ADGRD2: variants seen among roughly 807,000 people sequenced by gnomAD.
ADGRD2 encodes adhesion G protein-coupled receptor D2.
A neutral mutation model predicts 44.4 loss-of-function variants in ADGRD2; 71 were observed. The observed-to-expected ratio is 1.60, with a 90% CI of 1.32 to 1.95. The LOEUF is 1.95. Among genes scored for constraint, ADGRD2 ranks in the 30% most tolerant of loss-of-function variants. The pLI is 0.00. For missense variants in ADGRD2, 1,039 were observed against 512.4 expected (o/e 2.03, Z -9.92); for synonymous variants, 481 against 224.8 (o/e 2.14, Z -10.19).
intron 17 of ADGRD2, among the ~76,000 whole-genome samples, chr9:124,472,716 C>T (rs1831973410): frequency 6.6e-6 from 1 of 152,164 alleles, no homozygotes. Context: ...CCATGTTGCC[C>T]AGGTTGGTCT....
exon 3 of ADGRD2, chr9:124,453,256 G>A (rs780598584): frequency 7.4e-6 from 4 of 543,254 alleles, no homozygotes; most frequent in Non-Finnish European, 1.3e-5. Context: ...CGTCGTGCGC[G>A]CTGCGCTGGT....
chr9:124,476,862 G>A (rs985889643), intron 21 of ADGRD2, 153 bp downstream of exon 24: 1 of 694,652 alleles, frequency 1.4e-6, no homozygotes. Flanking sequence ...TCCCCTGGGA[G>A]CACTGGGGGC....
intron 11 of ADGRD2, 109 bp downstream of exon 14, chr9:124,466,522 A>G (rs1831828203): frequency 3.5e-6 from 2 of 572,056 alleles, no homozygotes; most frequent in Non-Finnish European, 6.5e-6. Context: ...CAGCTTTCAT[A>G]GATTGTCGGG....
Position 124,477,980 on chromosome 9 carries a change from G to C in ADGRD2, c.*19-301G>C, listed in dbSNP as rs555722316. On this transcript the variant is annotated intron_variant, in intron 21 of 21. Coordinates refer to ENST00000334810, the Ensembl canonical transcript of ADGRD2. ...CCCTCCGGACCCCCCACCCGGCCCGGCTCTCCGGACGCCCCCGCTTCCAGC... is the reference window on the plus strand; with the variant it reads ...CCCTCCGGACCCCCCACCCGGCCCGCCTCTCCGGACGCCCCCGCTTCCAGC... Among the ~76,000 whole-genome samples, 74 of 152,050 alleles carry C rather than the reference G, an allele frequency of 4.9e-4. 1 individual carries two copies. In the South Asian group the frequency reaches 0.015, roughly 30 times the overall value.
rs1831579044 is a variant in ADGRD2 at position 124,454,652 on chromosome 9, G to A, written c.1108+83G>A. On this transcript the variant is annotated intron_variant, in intron 5 of 21. Coordinates refer to ENST00000334810, the Ensembl canonical transcript of ADGRD2. This position sits in a 1 kb window ranked among gnomAD's most constrained non-coding sequence, Gnocchi z 4.5. ...CCTCAGTTTCCTCCCTTGTAAAGGG[G>A]ACACCCACCTGGTGTGTCTGCAGGA... 1 of 679,618 alleles carries A rather than the reference G, an allele frequency of 1.5e-6. No individual in the cohort carries two copies. Among genetic ancestry groups the A allele is most frequent in the South Asian group, 1.5e-5 (1 of 65,414 alleles). 42.1% of individuals were successfully genotyped at this position (679,618 alleles called of 1,614,324 possible).
intron 17 of ADGRD2, among the ~76,000 whole-genome samples, chr9:124,472,452 GTTTGTT>G (rs1831963530): frequency 4.0e-5 from 1 of 25,316 alleles, no homozygotes; most frequent in African/African-American, 1.5e-4. Context: ...TTGTTTGTTT[GTTTGTT>G]TTTTGTTTGT....
exon 16 of ADGRD2, chr9:124,469,441 T>C (rs1199685600): frequency 1.4e-6 from 1 of 718,204 alleles, no homozygotes; most frequent in Admixed American, 2.0e-5. Context: ...GGCCAACACC[T>C]GCATCCTGGC....
chr9:124,468,657 C>G, exon 14 of ADGRD2: 1 of 716,990 alleles, frequency 1.4e-6, no homozygotes, highest in Non-Finnish European at 2.6e-6. Flanking sequence ...GCGGCTCTAC[C>G]ACGCCACAGG....
chr9:124,468,453 G>A, intron 13 of ADGRD2, 66 bp from the exon 17 acceptor site: 1 of 714,826 alleles, frequency 1.4e-6, no homozygotes, highest in Non-Finnish European at 2.6e-6. Context: ...CTGGGCATGG[G>A]CCGCGGGGCT....
At chr9:124,469,980 C>T (rs1207272005) in intron 16 of ADGRD2, among the ~76,000 whole-genome samples, 1 of 152,186 alleles carries the variant, frequency 6.6e-6, no homozygotes, top group Non-Finnish European at 1.5e-5. Context: ...GCCAAAGACC[C>T]GCATCGCCCT....
Position 124,454,150 on chromosome 9 carries a change from C to T in ADGRD2, c.1022+53C>T. On this transcript the variant is annotated intron_variant, in intron 4 of 21. Transcript: ENST00000334810. This position sits in a 1 kb window ranked among gnomAD's most constrained non-coding sequence, Gnocchi z 4.5. The stretch of plus-strand genomic sequence containing the variant: ...TGCTGAAGGGAAAGCCGGTGTGGAC[C>T]GGAGTAGACTGAGAGGGGGTGAGCT... 1 of 623,550 alleles carries T rather than the reference C, an allele frequency of 1.6e-6. No individual in the cohort carries two copies. The highest frequency in any genetic ancestry group is 2.9e-6 in the Non-Finnish European group (1 of 342,482). 38.6% of individuals were successfully genotyped at this position (623,550 alleles called of 1,614,324 possible).
intron 17 of ADGRD2, among the ~76,000 whole-genome samples, chr9:124,471,727 C>G (rs1410548713): frequency 1.3e-5 from 2 of 152,218 alleles, no homozygotes; most frequent in Non-Finnish European, 2.9e-5. Context: ...ACTCATTCAT[C>G]CATGTGCTCT....
chr9:124,466,688 T>C, intron 11 of ADGRD2: 1 of 234,422 alleles, frequency 4.3e-6, no homozygotes, highest in South Asian at 1.1e-4. Context: ...CTCGTGCCTA[T>C]AGTCCCAACT....
rs1588605610 is a variant in ADGRD2, at chr9:124,466,287, C to A, written c.1902C>A (p.Ser634Arg). 6 of 711,830 alleles carry A rather than the reference C, an allele frequency of 8.4e-6. No homozygotes were observed. In the East Asian group the frequency reaches 1.6e-4, roughly 19 times the overall value. The allele number at this position is 711,830 out of a possible 1,614,324, so 44.1% of individuals were successfully genotyped here. ...CCCTGTTCCCTCCCCATCCCCCAAG[C>A]CCATATACAGGGGGTGCCTGGGCCA... The change falls in exon 11 of 22, where the codon AGC becomes AGA. Residue 634 changes from serine (S) to arginine (R), a missense_variant. Coordinates refer to ENST00000334810, the Ensembl canonical transcript of ADGRD2.
chr9:124,460,748 A>AAAAG (rs1831711968), intron 10 of ADGRD2, among the ~76,000 whole-genome samples: 2 of 152,108 alleles, frequency 1.3e-5, no homozygotes, highest in Non-Finnish European at 2.9e-5. Context: ...GCTATTATGA[A>AAAAG]TAAGTCTGCT....
rs185554082 is a variant in ADGRD2 at position 124,452,630 on chromosome 9, T to A, written c.191T>A (p.Leu64Gln). 2.7e-4 allele frequency: 194 copies of A among 718,348 alleles called. No individual in the cohort carries two copies. In the East Asian group the frequency reaches 4.5e-3, roughly 16 times the overall value. 44.5% of individuals were successfully genotyped at this position (718,348 alleles called of 1,614,324 possible). The stretch of plus-strand genomic sequence containing the variant: ...GAGCAGCAGTTTGGCCACTTGGCAC[T>A]GCAGCCCCCTGATGGGGTTCTTGCT... The change falls in exon 2 of 22, where the codon CTG becomes CAG. Residue 64 changes from leucine to glutamine, a missense_variant. Physicochemically the swap from Leu to Gln is moderately radical, Grantham distance 113. Coordinates refer to ENST00000334810, the Ensembl canonical transcript of ADGRD2.
At chr9:124,453,485 C>T in exon 3 of ADGRD2, 1 of 703,364 alleles carries the variant, frequency 1.4e-6, no homozygotes, top group South Asian at 1.5e-5. Context: ...GGTGGCTTCT[C>T]GGTGCGTCAC....
intron 17 of ADGRD2, among the ~76,000 whole-genome samples, chr9:124,471,252 G>C (rs866666018): frequency 6.6e-6 from 1 of 151,996 alleles, no homozygotes; most frequent in Non-Finnish European, 1.5e-5. Flanking sequence ...GTTTTCCCTC[G>C]ACCTCCCTGG....
chr9:124,467,340 CAAAAA>C (rs59651695), intron 11 of ADGRD2: 23 of 104,984 alleles, frequency 2.2e-4, no homozygotes, highest in Admixed American at 3.7e-4. Context: ...CTTGAAGCAA[CAAAAA>C]AAAAAAAAAA....
Sources: gnomAD v4.1 joint callset for allele counts (sites outside exome capture counted in the v4.1 genomes callset) on GRCh38, gnomAD v4.1.1 for gene constraint, Gnocchi (gnomAD v3.1) non-coding constraint, MANE v1.5 for transcripts, NCBI Gene and HGNC (gene_info 2026-07-23, HGNC 2026-07-21) for gene names.